The following CELSR1 variants were observed in gnomAD, a reference collection of about 807,000 sequenced individuals.
The protein encoded by CELSR1 is adhesion G protein-coupled receptor C1.
A neutral mutation model predicts 249.1 loss-of-function variants in CELSR1; 110 were observed. The ratio of observed to expected loss-of-function variants is 0.44; its 90% confidence interval spans 0.38 to 0.52. The LOEUF (loss-of-function observed/expected upper bound fraction) is 0.52. CELSR1 is among the 20% of genes least tolerant of loss of function. The pLI is 0.00. For missense variants in CELSR1, 4,109 were observed against 4,296.4 expected (o/e 0.96, Z 1.22); for synonymous variants, 2,113 against 1,900.0 (o/e 1.11, Z -2.92).
Position 46,396,526 on chromosome 22 carries a change from G to T in CELSR1, c.5843+79C>A. The T allele has an allele frequency of 7.3e-7, 1 of 1,362,674 alleles. No homozygotes were observed. The highest frequency in any genetic ancestry group is 9.5e-7 in the Non-Finnish European group (1 of 1,047,778). The allele number at this position is 1,362,674 out of a possible 1,614,324, so 84.4% of individuals were successfully genotyped here. On this transcript the variant is annotated intron_variant, in intron 13 of 34. Transcript: ENST00000674500. This position sits in a 1 kb window ranked among gnomAD's most constrained non-coding sequence, Gnocchi z 6.4. ...CACACATATCTTTGGGTCAAAATAA[G>T]AAAGAGAAGACACTGAGTCGAGGGA...
intron 1 of CELSR1, among the ~76,000 whole-genome samples, chr22:46,521,151 C>T (rs923596859): frequency 3.9e-5 from 6 of 152,208 alleles, no homozygotes; most frequent in Non-Finnish European, 5.9e-5. Context: ...GTTGCTTCCA[C>T]CTTTTGGTTA....
intron 1 of CELSR1, among the ~76,000 whole-genome samples, chr22:46,524,640 G>A (rs938215914): frequency 1.6e-4 from 25 of 152,052 alleles, no homozygotes; most frequent in African/African-American, 6.0e-4. Context: ...GAGAACAGGC[G>A]CTAGAGGGAT....
intron 2 of CELSR1, among the ~76,000 whole-genome samples, chr22:46,442,045 G>T (rs1040889495): frequency 1.3e-5 from 2 of 152,214 alleles, no homozygotes; most frequent in African/African-American, 2.4e-5. Flanking sequence ...CTACTCGGGA[G>T]GCTGAGGCAG....
intron 1 of CELSR1, among the ~76,000 whole-genome samples, chr22:46,479,866 C>G (rs1424931739): frequency 1.3e-5 from 2 of 152,140 alleles, no homozygotes; most frequent in African/African-American, 4.8e-5. Context: ...CTCCTTCACT[C>G]TCAGGGAGTC....
rs111313420 is a variant in CELSR1 at position 46,382,693 on chromosome 22, G to A, written c.6884-643C>T. Among the ~76,000 whole-genome samples the A allele has an allele frequency of 1.4e-4, 21 of 152,292 alleles. No individual in the cohort carries two copies. In the South Asian group the frequency reaches 3.7e-3, roughly 27 times the overall value. On this transcript the variant is annotated intron_variant, in intron 20 of 34. Transcript: ENST00000674500. ...TGGATAAGCAACACGCGCTCCATCC[G>A]CACAATGGAATATTACTCAGCCTTC...
Position 46,527,418 on chromosome 22 carries a change from A to C in CELSR1, c.3544+6209T>G, listed in dbSNP as rs28474674. ...AGTCAGCCCTCTCTCGACCCGGGGGATCCATCTGACTCCCGGTCTCCCTGC... is the reference window on the plus strand; with the variant it reads ...AGTCAGCCCTCTCTCGACCCGGGGGCTCCATCTGACTCCCGGTCTCCCTGC... On this transcript the variant is annotated intron_variant, in intron 1 of 34. Coordinates refer to ENST00000674500, the MANE Select transcript of CELSR1 (RefSeq NM_001378328.1). The surrounding 1 kb of genome is among the most constrained non-coding windows in gnomAD (Gnocchi z 5.5). Among the ~76,000 whole-genome samples the C allele has an allele frequency of 0.02, 3,088 of 151,990 alleles. 104 individuals carry two copies. The highest frequency in any genetic ancestry group is 0.07 in the African/African-American group (2,906 of 41,432).
At chr22:46,432,766 A>C (rs570141103) in intron 5 of CELSR1, among the ~76,000 whole-genome samples, 7 of 152,152 alleles carry the variant, frequency 4.6e-5, no homozygotes, top group African/African-American at 1.7e-4. Flanking sequence ...AATTTCAGCC[A>C]CTAGTAGACT....
intron 3 of CELSR1, among the ~76,000 whole-genome samples, chr22:46,438,128 TG>T (rs2079687205): frequency 6.6e-6 from 1 of 151,358 alleles, no homozygotes; most frequent in African/African-American, 2.4e-5. Context: ...AGGGGAGGGT[TG>T]GAACAATGCA....
intron 22 of CELSR1, among the ~76,000 whole-genome samples, chr22:46,379,574 T>C (rs1293597296): frequency 6.6e-6 from 1 of 152,228 alleles, no homozygotes; most frequent in African/African-American, 2.4e-5. Context: ...TTCTCTCTTT[T>C]ATAAGCCAAG....
rs2078900353 is a variant in CELSR1 at position 46,374,818 on chromosome 22, T to TGCGGATGTGAAGAAACCCCTCC, written c.7585-1783_7585-1762dup. 6.6e-6 allele frequency among the ~76,000 whole-genome samples: 1 copy of TGCGGATGTGAAGAAACCCCTCC among 152,138 alleles called. No homozygotes were observed. Among genetic ancestry groups the TGCGGATGTGAAGAAACCCCTCC allele is most frequent in the South Asian group, 2.1e-4 (1 of 4,836 alleles). ...TGCCCATTGCGGGGATGCGCCCGGC[T>TGCGGATGTGAAGAAACCCCTCC]GCGGATGTGAAGAAACCCCTCCGCA... On this transcript the variant is annotated intron_variant, in intron 24 of 34. Coordinates refer to ENST00000674500, the MANE Select transcript of CELSR1 (RefSeq NM_001378328.1). This position sits in a 1 kb window ranked among gnomAD's most constrained non-coding sequence, Gnocchi z 4.3.
In CELSR1 at chr22:46,526,906, C is replaced by T. The variant is rs1016232880; in HGVS notation, c.3544+6721G>A. Among the ~76,000 whole-genome samples, 3 of 152,224 alleles carry T rather than the reference C, an allele frequency of 2.0e-5. No individual in the cohort carries two copies. The highest frequency in any genetic ancestry group is 7.2e-5 in the African/African-American group (3 of 41,464). ...CACGGGGCCAAAAATGGCCTCACGT[C>T]TTCTCACCAAAGCCGATTCCCGGTA... On this transcript the variant is annotated intron_variant, in intron 1 of 34. Transcript: ENST00000674500. This position sits in a 1 kb window ranked among gnomAD's most constrained non-coding sequence, Gnocchi z 4.7.
chr22:46,462,671 AT>A (rs2080044933), intron 2 of CELSR1: 1 of 215,350 alleles, frequency 4.6e-6, no homozygotes, highest in African/African-American at 2.4e-5. Flanking sequence ...AAGACAGACT[AT>A]TCACCACTGG....
intron 1 of CELSR1, among the ~76,000 whole-genome samples, chr22:46,509,024 C>G (rs2080545095): frequency 6.6e-6 from 1 of 152,212 alleles, no homozygotes; most frequent in South Asian, 2.1e-4. Context: ...AGCGCTCAGC[C>G]ATTTTCTCTG....
In CELSR1 at chr22:46,436,737, C is replaced by T. The variant is rs1156369271; in HGVS notation, c.4407-448G>A. ...GGACCATTCTTATGGCCTCTCCCCC[C>T]GGCACTCAGCCACAATAGCATCTTT... On this transcript the variant is annotated intron_variant, in intron 3 of 34. Coordinates refer to ENST00000674500, the MANE Select transcript of CELSR1 (RefSeq NM_001378328.1). The surrounding 1 kb of genome is among the most constrained non-coding windows in gnomAD (Gnocchi z 5.9). Among the ~76,000 whole-genome samples the T allele has an allele frequency of 3.3e-5, 5 of 151,962 alleles. No individual in the cohort carries two copies. The highest frequency in any genetic ancestry group is 1.9e-4 in the East Asian group (1 of 5,148).
In CELSR1 at chr22:46,490,132, C is replaced by T. The variant is rs996260688; in HGVS notation, c.3545-25787G>A. ...CAAGTGCAAAGTGTACACATGTCGA[C>T]ATGGCACTTCTACCTGGAGTGCATG... On this transcript the variant is annotated intron_variant, in intron 1 of 34. Coordinates refer to ENST00000674500, the MANE Select transcript of CELSR1 (RefSeq NM_001378328.1). The surrounding 1 kb of genome is among the most constrained non-coding windows in gnomAD (Gnocchi z 5.2). Among the ~76,000 whole-genome samples the T allele has an allele frequency of 2.6e-5, 4 of 152,162 alleles. No homozygotes were observed. Among genetic ancestry groups the T allele is most frequent in the Non-Finnish European group, 4.4e-5 (3 of 68,042 alleles).
Position 46,367,049 on chromosome 22 carries a change from C to T in CELSR1, c.8149G>A (p.Gly2717Ser), listed in dbSNP as rs143178172. ...EVRKHLKGVLGGRKLHLEDSA... is the reference protein window; with the variant it reads ...EVRKHLKGVLSGRKLHLEDSA... ...TCCTCCAGGTGCAGCTTCCTCCCGC[C>T]GAGCACGCCCTTCAGGTGCTTCCGG... Residue 2717 changes from glycine to serine, a missense_variant, in exon 29 of 35, where the codon GGC becomes AGC. This residue lies in a region of CELSR1 where 1,805 missense variants were observed against 1,831.6 expected (regional missense o/e 0.99). Transcript: ENST00000674500. 3.8e-5 allele frequency: 61 copies of T among 1,611,126 alleles called. No individual in the cohort carries two copies. The highest frequency in any genetic ancestry group is 3.2e-4 in the South Asian group (29 of 90,784).
chr22:46,513,580 C>G (rs1244895764), intron 1 of CELSR1, among the ~76,000 whole-genome samples: 1 of 152,132 alleles, frequency 6.6e-6, no homozygotes, highest in African/African-American at 2.4e-5. Context: ...GAGACACTGC[C>G]TGTACACTGT....
chr22:46,453,763 A>G (rs2079913455), intron 2 of CELSR1, among the ~76,000 whole-genome samples: 1 of 152,116 alleles, frequency 6.6e-6, no homozygotes, highest in South Asian at 2.1e-4. Flanking sequence ...CTGGGTCCAG[A>G]TCGTGGCCGG....
At chr22:46,481,916 G>A (rs1000630082) in intron 1 of CELSR1, among the ~76,000 whole-genome samples, 2 of 152,092 alleles carry the variant, frequency 1.3e-5, no homozygotes, top group African/African-American at 4.8e-5. Context: ...GGGATTACAG[G>A]CATGTGCCAC....
Sources: gnomAD v4.1 joint callset for allele counts (sites outside exome capture counted in the v4.1 genomes callset) on GRCh38, gnomAD v4.1.1 for gene constraint, gnomAD v4.1.1 regional missense constraint, Gnocchi (gnomAD v3.1) non-coding constraint, MANE v1.5 for transcripts, NCBI Gene and HGNC (gene_info 2026-07-23, HGNC 2026-07-21) for gene names.